Variants in CDC42BPA observed in about 807,000 individuals in gnomAD.
CDC42BPA encodes CDC42 binding protein kinase alpha.
A neutral mutation model predicts 223.5 loss-of-function variants in CDC42BPA; 80 were observed. The observed-to-expected ratio is 0.36, with a 90% CI of 0.30 to 0.43. CDC42BPA has a LOEUF of 0.43. CDC42BPA is among the 20% of genes least tolerant of loss of function. The pLI is 1.00. For missense variants in CDC42BPA, 1,743 were observed against 2,099.9 expected (o/e 0.83, Z 3.32); for synonymous variants, 694 against 718.6 (o/e 0.97, Z 0.55).
At chr1:227,218,636 G>A (rs1302728686) in intron 2 of CDC42BPA, among the ~76,000 whole-genome samples, 1 of 152,132 alleles carries the variant, frequency 6.6e-6, no homozygotes, top group East Asian at 1.9e-4. Context: ...TGATAAGAGA[G>A]CTAGTATACT....
intron 21 of CDC42BPA, among the ~76,000 whole-genome samples, chr1:227,067,907 C>T (rs1677441334): frequency 6.6e-6 from 1 of 152,022 alleles, no homozygotes; most frequent in Non-Finnish European, 1.5e-5. Flanking sequence ...GACTATTCAA[C>T]AGGATAATAA....
chr1:227,080,539 C>A (rs1680421348), intron 17 of CDC42BPA, among the ~76,000 whole-genome samples: 1 of 152,072 alleles, frequency 6.6e-6, no homozygotes, highest in Non-Finnish European at 1.5e-5. Flanking sequence ...TCTTAAAATA[C>A]TCACAAATAC....
chr1:227,193,301 C>A (rs981100630), intron 5 of CDC42BPA, among the ~76,000 whole-genome samples: 3 of 152,048 alleles, frequency 2.0e-5, no homozygotes, highest in African/African-American at 7.2e-5. Context: ...ACCTCGTAAT[C>A]TGCCCGCCTT....
At chr1:227,223,053 TAAAGA>T (rs1370367510) in intron 2 of CDC42BPA, among the ~76,000 whole-genome samples, 3 of 152,026 alleles carry the variant, frequency 2.0e-5, no homozygotes, top group Non-Finnish European at 4.4e-5. Flanking sequence ...CTATAAAAAG[TAAAGA>T]AGAGAGATCC....
intron 5 of CDC42BPA, among the ~76,000 whole-genome samples, chr1:227,163,201 CAT>C (rs1664426793): frequency 6.6e-6 from 1 of 151,892 alleles, no homozygotes; most frequent in African/African-American, 2.4e-5. Context: ...TGTTTCCAAA[CAT>C]ATATATGTGT....
At chr1:227,229,509 A>G (rs1487204678) in intron 2 of CDC42BPA, among the ~76,000 whole-genome samples, 1 of 152,188 alleles carries the variant, frequency 6.6e-6, no homozygotes, top group East Asian at 1.9e-4. Context: ...ATTTCTACAT[A>G]AATTTTAAAA....
intron 1 of CDC42BPA, among the ~76,000 whole-genome samples, chr1:227,305,619 T>C (rs1475128848): frequency 6.6e-6 from 1 of 152,206 alleles, no homozygotes; most frequent in Non-Finnish European, 1.5e-5. Context: ...TTATGAAAAT[T>C]ATTTTCTTCA....
intron 1 of CDC42BPA, among the ~76,000 whole-genome samples, chr1:227,268,652 G>GTGTGTA (rs1197850565): frequency 1.4e-5 from 2 of 138,694 alleles, no homozygotes; most frequent in Non-Finnish European, 3.0e-5. Context: ...TAGTGTGTGT[G>GTGTGTA]TATATATATA....
chr1:227,317,234 C>G lies in CDC42BPA; in HGVS notation c.-52G>C, dbSNP rs1694557120. On this transcript the variant is annotated 5_prime_UTR_variant, in exon 1 of 37. Transcript: ENST00000366766. Reference sequence around the variant, plus strand: ...CTTTAAATTATTATGATGACTTTTACTATTATCTGAACCTAAATTTTAAAA... The same window carrying G: ...CTTTAAATTATTATGATGACTTTTAGTATTATCTGAACCTAAATTTTAAAA... 6.5e-7 allele frequency: 1 copy of G among 1,547,658 alleles called. No homozygotes were observed. The highest frequency in any genetic ancestry group is 2.1e-5 in the Admixed American group (1 of 48,364).
intron 1 of CDC42BPA, among the ~76,000 whole-genome samples, chr1:227,265,937 G>C (rs1684921902): frequency 6.6e-6 from 1 of 152,086 alleles, no homozygotes; most frequent in Admixed American, 6.6e-5. Flanking sequence ...AACAGAGAAA[G>C]AAAAAAACTC....
chr1:227,139,009 G>A (rs1659180097), intron 10 of CDC42BPA, among the ~76,000 whole-genome samples: 1 of 152,104 alleles, frequency 6.6e-6, no homozygotes, highest in Non-Finnish European at 1.5e-5. Context: ...GATTATAAAA[G>A]ATTTGCTGGA....
At chr1:227,071,676 C>T (rs995840968) in intron 20 of CDC42BPA, among the ~76,000 whole-genome samples, 1 of 148,964 alleles carries the variant, frequency 6.7e-6, no homozygotes, top group Non-Finnish European at 1.5e-5. Flanking sequence ...TCAGCTATTT[C>T]ATACATTGTT....
At chr1:227,142,575 C>T (rs75350334) in intron 9 of CDC42BPA, among the ~76,000 whole-genome samples, 23,515 of 151,906 alleles carry the variant, frequency 0.15, 2,199 homozygotes, top group African/African-American at 0.25. Flanking sequence ...ACATCTTTTA[C>T]GAACCTCAAT....
At chr1:227,315,648 A>G (rs1362968732) in intron 1 of CDC42BPA, among the ~76,000 whole-genome samples, 1 of 152,118 alleles carries the variant, frequency 6.6e-6, no homozygotes, top group Non-Finnish European at 1.5e-5. Context: ...CATATGCTTT[A>G]CAAAATACTT....
At chr1:227,143,179 T>C (rs1020418504) in intron 8 of CDC42BPA, among the ~76,000 whole-genome samples, 155 bp from the exon 9 acceptor site, 20 of 152,332 alleles carry the variant, frequency 1.3e-4, no homozygotes, top group African/African-American at 4.8e-4. Flanking sequence ...TTTAGTGATA[T>C]AAAATTTAGA....
intron 2 of CDC42BPA, chr1:227,219,304 C>T (rs1351776455): frequency 6.6e-6 from 1 of 152,254 alleles, no homozygotes; most frequent in Non-Finnish European, 1.5e-5. Flanking sequence ...GCTTTCACAA[C>T]AAGCTCTGAA....
At chr1:227,261,964 C>T (rs976585548) in intron 1 of CDC42BPA, among the ~76,000 whole-genome samples, 1 of 152,054 alleles carries the variant, frequency 6.6e-6, no homozygotes, top group Non-Finnish European at 1.5e-5. Context: ...AATCTAGTTC[C>T]TATCCCACAG....
At chr1:227,233,028 C>T (rs753668047) in intron 2 of CDC42BPA, among the ~76,000 whole-genome samples, 2 of 152,154 alleles carry the variant, frequency 1.3e-5, no homozygotes, top group Non-Finnish European at 2.9e-5. Flanking sequence ...TAGCAGTGAG[C>T]GAGGCTCCAT....
At chr1:227,288,447 C>T (rs1350677813) in intron 1 of CDC42BPA, among the ~76,000 whole-genome samples, 3 of 152,076 alleles carry the variant, frequency 2.0e-5, no homozygotes, top group Non-Finnish European at 4.4e-5. Context: ...GCCTGTAAAC[C>T]TAGAACTTTG....
Sources: gnomAD v4.1 joint callset for allele counts (sites outside exome capture counted in the v4.1 genomes callset) on GRCh38, gnomAD v4.1.1 for gene constraint, MANE v1.5 for transcripts, NCBI Gene and HGNC (gene_info 2026-07-23, HGNC 2026-07-21) for gene names.